SIMC1: variants seen among roughly 807,000 people sequenced by gnomAD.
SIMC1 encodes SUMO-interacting motif-containing protein 1.
A neutral mutation model predicts 82.3 loss-of-function variants in SIMC1; 55 were observed. The observed-to-expected ratio is 0.67, with a 90% CI of 0.54 to 0.84. The LOEUF (loss-of-function observed/expected upper bound fraction) is 0.84. Ranked by LOEUF, SIMC1 falls within the 40% of genes least tolerant of loss-of-function variation. The pLI is 0.00. For synonymous variants in SIMC1, 353 were observed against 426.3 expected (o/e 0.83, Z 2.12); for missense variants, 915 against 1,107.2 (o/e 0.83, Z 2.46).
At chr5:176,285,754 A>T (rs1366548013) in intron 1 of SIMC1, among the ~76,000 whole-genome samples, 15 of 152,218 alleles carry the variant, frequency 9.9e-5, no homozygotes, top group Non-Finnish European at 2.2e-4. Context: ...GTCTCAGCCC[A>T]AAATCTCCTT....
intron 7 of SIMC1, among the ~76,000 whole-genome samples, chr5:176,330,734 G>T (rs1330127752): frequency 6.6e-6 from 1 of 152,176 alleles, no homozygotes; most frequent in Non-Finnish European, 1.5e-5. Context: ...TAGAAAAAAT[G>T]ATGAATTAGG....
intron 7 of SIMC1, among the ~76,000 whole-genome samples, chr5:176,329,998 A>G (rs895460441): frequency 2.6e-5 from 4 of 152,176 alleles, no homozygotes; most frequent in South Asian, 4.2e-4. Context: ...GTATTCATAC[A>G]TATGTTTCCT....
chr5:176,311,793 A>G (rs1764675116), intron 4 of SIMC1, among the ~76,000 whole-genome samples: 1 of 152,250 alleles, frequency 6.6e-6, no homozygotes, highest in Non-Finnish European at 1.5e-5. Context: ...CTGACACTGT[A>G]AACACTATGT....
intron 1 of SIMC1, among the ~76,000 whole-genome samples, chr5:176,285,796 G>A (rs1581254315): frequency 6.6e-6 from 1 of 152,154 alleles, no homozygotes; most frequent in African/African-American, 2.4e-5. Flanking sequence ...AAAGTCTCAG[G>A]ATACAAAATC....
intron 4 of SIMC1, among the ~76,000 whole-genome samples, chr5:176,307,633 C>T (rs1288531464): frequency 2.0e-5 from 3 of 152,132 alleles, no homozygotes; most frequent in Non-Finnish European, 4.4e-5. Context: ...ATCTCCTGAC[C>T]TCATGATCCA....
At chr5:176,325,457 G>A (rs1267823986) in intron 7 of SIMC1, among the ~76,000 whole-genome samples, 3 of 151,858 alleles carry the variant, frequency 2.0e-5, no homozygotes, top group African/African-American at 7.3e-5. Context: ...AGACCAAGGC[G>A]GGCGGATCAC....
chr5:176,252,944 C>T (rs972470716), intron 1 of SIMC1, among the ~76,000 whole-genome samples: 5 of 152,236 alleles, frequency 3.3e-5, no homozygotes, highest in African/African-American at 1.2e-4. Flanking sequence ...TGGAGACCAG[C>T]CTGGCCCACG....
intron 1 of SIMC1, among the ~76,000 whole-genome samples, chr5:176,277,319 T>C (rs1011426028): frequency 3.3e-5 from 5 of 152,028 alleles, no homozygotes; most frequent in East Asian, 1.9e-4. Flanking sequence ...TGTAAATTTG[T>C]TTGAGTTCAT....
chr5:176,315,862 A>T (rs1244103375), intron 5 of SIMC1, among the ~76,000 whole-genome samples: 1 of 152,220 alleles, frequency 6.6e-6, no homozygotes, highest in East Asian at 1.9e-4. Context: ...AGAGCACAAG[A>T]CAGCATAGTT....
At chr5:176,276,912 G>A (rs1762733373) in intron 1 of SIMC1, among the ~76,000 whole-genome samples, 3 of 150,534 alleles carry the variant, frequency 2.0e-5, no homozygotes, top group Admixed American at 1.3e-4. Flanking sequence ...AAACATACGT[G>A]TACATGTGTC....
At chr5:176,301,948 C>T (rs377160848) in intron 4 of SIMC1, among the ~76,000 whole-genome samples, 21 of 152,234 alleles carry the variant, frequency 1.4e-4, no homozygotes, top group African/African-American at 4.3e-4. Flanking sequence ...GGACTGGTTC[C>T]AGGACCTCCC....
intron 5 of SIMC1, among the ~76,000 whole-genome samples, chr5:176,318,208 A>C (rs2113358041): frequency 6.6e-6 from 1 of 152,284 alleles, no homozygotes; most frequent in Non-Finnish European, 1.5e-5. Flanking sequence ...AGGTACTTTC[A>C]ATTTTTCATC....
At chr5:176,294,894 G>A (rs1346738815) in intron 2 of SIMC1, 136 bp from the exon 3 acceptor site, 1 of 1,234,284 alleles carries the variant, frequency 8.1e-7, no homozygotes, top group African/African-American at 1.6e-5. Flanking sequence ...GAACTCGGGA[G>A]GCAGAGCTTG....
At chr5:176,278,879 A>G (rs1318959171) in intron 1 of SIMC1, among the ~76,000 whole-genome samples, 1 of 151,044 alleles carries the variant, frequency 6.6e-6, no homozygotes, top group African/African-American at 2.4e-5. Context: ...TTTTTGCATC[A>G]ATGTTCATCA....
At chr5:176,256,408 G>A (rs1449909618) in intron 1 of SIMC1, among the ~76,000 whole-genome samples, 2 of 152,060 alleles carry the variant, frequency 1.3e-5, no homozygotes, top group Non-Finnish European at 2.9e-5. Context: ...AATTTCTTTT[G>A]TAAATTCATC....
At chr5:176,309,134 G>A in intron 4 of SIMC1, 1 of 625,060 alleles carries the variant, frequency 1.6e-6, no homozygotes, top group South Asian at 2.0e-5. Context: ...TTACTATAAA[G>A]CTGTAGTAAT....
At chr5:176,315,322 A>G (rs1475443307) in intron 5 of SIMC1, among the ~76,000 whole-genome samples, 1 of 152,184 alleles carries the variant, frequency 6.6e-6, no homozygotes, top group Non-Finnish European at 1.5e-5. Context: ...GAGTGAACTA[A>G]TAGAGTGAGA....
intron 7 of SIMC1, among the ~76,000 whole-genome samples, chr5:176,334,968 A>G (rs995403663): frequency 1.3e-5 from 2 of 151,914 alleles, no homozygotes; most frequent in African/African-American, 2.4e-5. Flanking sequence ...GTGGGTGCCT[A>G]TAATCCCAGC....
At chr5:176,333,857 A>G (rs1035182767) in intron 7 of SIMC1, among the ~76,000 whole-genome samples, 1 of 149,866 alleles carries the variant, frequency 6.7e-6, no homozygotes, top group African/African-American at 2.5e-5. Flanking sequence ...GTTTAGTTTC[A>G]TTTATTTTGT....
Sources: allele counts gnomAD v4.1 joint callset (sites outside exome capture counted in the v4.1 genomes callset), GRCh38; gene constraint gnomAD v4.1.1; transcripts MANE v1.5; gene names NCBI Gene and HGNC (gene_info 2026-07-23, HGNC 2026-07-21).